The following TULP1 variants were observed in gnomAD, a reference collection of about 807,000 sequenced individuals.
TULP1 encodes the protein TUB like protein 1, also known as tubby-related protein 1.
Under a neutral mutation model 67.1 loss-of-function variants are expected in TULP1, and 50 were observed. That is an observed-to-expected ratio of 0.75 (90% confidence interval 0.59 to 0.94). The LOEUF is 0.94. TULP1 is among the 40% of genes least tolerant of loss of function. The probability of loss-of-function intolerance (pLI) is 0.00; values close to 1 mark genes in which losing one functional copy is unlikely to be tolerated. For synonymous variants in TULP1, 297 were observed against 294.0 expected, an observed-to-expected ratio of 1.01 and a Z score of -0.11; for missense variants, 746 against 734.1, an observed-to-expected ratio of 1.02 and a Z score of -0.19.
At position 35,503,941 on chromosome 6, in the gene TULP1, C is replaced by T; in HGVS notation, c.1113-93G>A. The T allele has an allele frequency of 3.1e-6, 3 of 954,244 alleles. No homozygotes were observed. The East Asian group carries it at 7.9e-5, about 25-fold the overall frequency. The allele number at this position is 954,244 out of a possible 1,614,324, so 59.1% of individuals were successfully genotyped here. On this transcript the variant is annotated intron_variant, in intron 11 of 14. Coordinates refer to ENST00000229771, the MANE Select transcript of TULP1 (RefSeq NM_003322.6). This position sits in a 1 kb window ranked among gnomAD's most constrained non-coding sequence, Gnocchi z 4.0. ...CACAGCCAAGCAGTTTAGAGAGCTTCCTACAAGGGTGGGGGTGAGTTAGGA... is the reference window on the plus strand; with the variant it reads ...CACAGCCAAGCAGTTTAGAGAGCTTTCTACAAGGGTGGGGGTGAGTTAGGA...
At position 35,509,890 on chromosome 6, in the gene TULP1, G is replaced by T. The variant is rs139588263; in HGVS notation, c.538C>A (p.Arg180Ser). 6.2e-7 allele frequency: 1 copy of T among 1,613,738 alleles called. No individual in the cohort carries two copies. The highest frequency in any genetic ancestry group is 1.3e-5 in the African/African-American group (1 of 74,862). The change falls in exon 6 of 15, where the codon CGT becomes AGT. Residue 180 changes from arginine (R) to serine (S), a missense_variant. This residue lies in a region of TULP1 where 359 missense variants were observed against 341.9 expected (regional missense o/e 1.05). Transcript: ENST00000229771. ...GCTGGAGCTTCCTTATTCCTAACAC[G>T]CAGAGGTTTCGGTGGGGGGTCAGGG... Reference protein sequence around the residue: ...GSPDPPPKPLRVRNKEAPAGE... With the variant: ...GSPDPPPKPLSVRNKEAPAGE...
chr6:35,501,279 A>G (rs1460635256), intron 13 of TULP1, among the ~76,000 whole-genome samples: 1 of 152,030 alleles, frequency 6.6e-6, no homozygotes, highest in Non-Finnish European at 1.5e-5. Flanking sequence ...AGCCGAGACG[A>G]GAGGATCACT....
Position 35,509,633 on chromosome 6 carries a change from C to A in TULP1, c.718+1G>T. The A allele has an allele frequency of 6.2e-7, 1 of 1,614,048 alleles. No individual in the cohort carries two copies. Among genetic ancestry groups the A allele is most frequent in the Non-Finnish European group, 8.5e-7 (1 of 1,179,930 alleles). ...CCACACCAGAAGCCCTTGCCATCCA[C>A]CTTTCTTCTTCAGGGCTTTCTTGTC... On this transcript the variant is annotated splice_donor_variant, in intron 7 of 14. Transcript: ENST00000229771. LOFTEE classifies it high-confidence loss of function.
In TULP1 at chr6:35,511,789, G is replaced by A; in HGVS notation, c.208C>T (p.Pro70Ser). The change falls in exon 4 of 15, where the codon CCG (proline) becomes TCG (serine). Residue 70 changes from proline (P) to serine (S), a missense_variant. Coordinates refer to ENST00000229771, the MANE Select transcript of TULP1 (RefSeq NM_003322.6). ...RKPGAGRTGR[P>S]REEPSPDPAQ... ...GGGTCTGGGGAAGGCTCCTCCCGCG[G>A]CCTCCCCGTCCGCCCAGCTGAGCCG... The A allele has an allele frequency of 1.3e-6, 2 of 1,564,832 alleles. No individual in the cohort carries two copies. The highest frequency in any genetic ancestry group is 8.7e-7 in the Non-Finnish European group (1 of 1,154,864).
At chr6:35,505,162 C>T (rs953614929) in intron 11 of TULP1, among the ~76,000 whole-genome samples, 1 of 152,098 alleles carries the variant, frequency 6.6e-6, no homozygotes, top group Non-Finnish European at 1.5e-5. Context: ...ATCTCGGACT[C>T]CTGACCTCAG....
chr6:35,504,471 C>G (rs1761042101), intron 11 of TULP1, among the ~76,000 whole-genome samples: 1 of 152,218 alleles, frequency 6.6e-6, no homozygotes, highest in African/African-American at 2.4e-5. Context: ...TGAGCCCCAA[C>G]TTCCCCATCT....
At chr6:35,501,411 C>T (rs1005204036) in intron 13 of TULP1, among the ~76,000 whole-genome samples, 1 of 143,564 alleles carries the variant, frequency 7.0e-6, no homozygotes, top group African/African-American at 2.6e-5. Context: ...GGAAGCAGCA[C>T]TGTTTGAAGC....
intron 14 of TULP1, among the ~76,000 whole-genome samples, chr6:35,499,708 T>C (rs1308752421): frequency 6.6e-6 from 1 of 152,162 alleles, no homozygotes; most frequent in Non-Finnish European, 1.5e-5. Flanking sequence ...AACACAATCT[T>C]ATCCAGAATG....
Position 35,511,689 on chromosome 6 carries a change from CG to C in TULP1, c.307del (p.Arg103GlyfsTer6). ...RDPEAKKRDP[R>X]ETFLVARAPD... The stretch of plus-strand genomic sequence containing the variant: ...GGCACGGGCTACCAGAAAGGTTTCC[CG>C]GGGGTCGCGCTTCTTGGCCTCGGGG... On this transcript the variant is annotated frameshift_variant, in exon 4 of 15. Coordinates refer to ENST00000229771, the MANE Select transcript of TULP1 (RefSeq NM_003322.6). LOFTEE classifies it high-confidence loss of function. 1 of 1,594,602 alleles carries C rather than the reference CG, an allele frequency of 6.3e-7. No individual in the cohort carries two copies. Among genetic ancestry groups the C allele is most frequent in the Non-Finnish European group, 8.5e-7 (1 of 1,170,364 alleles).
In TULP1 at chr6:35,512,176, C is replaced by T. The variant is rs1761221761; in HGVS notation, c.190+4G>A. The T allele has an allele frequency of 1.5e-6, 2 of 1,350,690 alleles. No homozygotes were observed. Among genetic ancestry groups the T allele is most frequent in the Non-Finnish European group, 9.5e-7 (1 of 1,051,466 alleles). 83.7% of individuals were successfully genotyped at this position (1,350,690 alleles called of 1,614,324 possible). On this transcript the variant is annotated splice_donor_region_variant and intron_variant, in intron 3 of 14. Transcript: ENST00000229771. ...GGTCCACCCGGGCTCTGCACCCCGC[C>T]CACCTCCGGGCTTCCGGGGCTTGGA...
intron 5 of TULP1, 124 bp from the exon 6 acceptor site, chr6:35,510,052 T>C: frequency 1.2e-6 from 1 of 849,856 alleles, no homozygotes; most frequent in Non-Finnish European, 1.9e-6. Flanking sequence ...GCCCACAGCC[T>C]GCCTTCTTTT....
At chr6:35,507,721 T>A (rs1476617682) in intron 8 of TULP1, among the ~76,000 whole-genome samples, 1 of 152,218 alleles carries the variant, frequency 6.6e-6, no homozygotes, top group Non-Finnish European at 1.5e-5. Context: ...AAGCATGGAC[T>A]GCCAGCCTGG....
At position 35,512,687 on chromosome 6, in the gene TULP1, C is replaced by T; in HGVS notation, c.51G>A (p.Gly17=). ...TLREVWASDS[G]HEEESLSPEA... is the part of the protein sequence containing the mutation. ...CCGGGCTCAGGCTTTCTTCTTCATG[C>T]CCACTGAGGGTAGCAAAGGGATCAG... is the stretch of plus-strand genomic sequence containing the variant. The change falls in exon 2 of 15, where the codon GGG becomes GGA. Residue 17 remains glycine (G), a synonymous_variant. Transcript: ENST00000229771. The T allele has an allele frequency of 6.2e-7, 1 of 1,614,024 alleles. No homozygotes were observed. The highest frequency in any genetic ancestry group is 1.1e-5 in the South Asian group (1 of 91,082).
At chr6:35,501,799 G>A (rs533859507) in intron 13 of TULP1, among the ~76,000 whole-genome samples, 1 of 152,188 alleles carries the variant, frequency 6.6e-6, no homozygotes, top group East Asian at 1.9e-4. Flanking sequence ...GTTACAGAGC[G>A]AGACTCCGTC....
chr6:35,512,658 G>GCCT lies in TULP1; in HGVS notation c.77_79dup (p.Glu26dup). The GCCT allele has an allele frequency of 6.2e-7, 1 of 1,613,930 alleles. No individual in the cohort carries two copies. The highest frequency in any genetic ancestry group is 8.5e-7 in the Non-Finnish European group (1 of 1,179,968). ...GCATACCTGTTTGGGGCGCCGCGGG[G>GCCT]CCTCCGGGCTCAGGCTTTCTTCTTC... On this transcript the variant is annotated inframe_insertion, in exon 2 of 15. Coordinates refer to ENST00000229771, the MANE Select transcript of TULP1 (RefSeq NM_003322.6).
intron 11 of TULP1, among the ~76,000 whole-genome samples, chr6:35,504,995 G>A (rs1761053571): frequency 6.6e-6 from 1 of 152,086 alleles, no homozygotes; most frequent in South Asian, 2.1e-4. Context: ...GAAGTGCAGT[G>A]GCATGATCCC....
chr6:35,512,608 T>G (rs1313851369), intron 2 of TULP1, 31 bp downstream of exon 2: 56 of 1,613,660 alleles, frequency 3.5e-5, no homozygotes, highest in East Asian at 6.7e-5. Flanking sequence ...GGGGACATCT[T>G]TCTGCTTCCT....
Position 35,512,872 on chromosome 6 carries a change from ATCGCAC to A in TULP1, c.-20_-15del, listed in dbSNP as rs760526976. The A allele has an allele frequency of 6.2e-7, 1 of 1,612,026 alleles. No homozygotes were observed. The highest frequency in any genetic ancestry group is 8.5e-7 in the Non-Finnish European group (1 of 1,179,946). ...CCGCAGAGGCATGGTGCCTTTGCCTATCGCACCCCTTTCTCTGCAGGTCTAGGAGCC... is the reference window on the plus strand; with the variant it reads ...CCGCAGAGGCATGGTGCCTTTGCCTACCCTTTCTCTGCAGGTCTAGGAGCC... On this transcript the variant is annotated 5_prime_UTR_variant, in exon 1 of 15. Coordinates refer to ENST00000229771, the MANE Select transcript of TULP1 (RefSeq NM_003322.6).
chr6:35,512,194 G>A lies in TULP1; in HGVS notation c.176C>T (p.Pro59Leu), dbSNP rs750115295. Residue 59 changes from proline to leucine, a missense_variant, in exon 3 of 15, where the codon CCC becomes CTC. Pro to Leu is a moderately conservative substitution (Grantham distance 98). Transcript: ENST00000229771. ...ACCCCGCCCACCTCCGGGCTTCCGG[G>A]GCTTGGATCCCGTGGGGCAGGGGGA... Reference protein sequence around the residue: ...PESPCPTGSKPRKPGAGRTGR... With the variant: ...PESPCPTGSKLRKPGAGRTGR... The A allele has an allele frequency of 3.0e-6, 4 of 1,347,076 alleles. No homozygotes were observed. In the Admixed American group the frequency reaches 1.4e-4, roughly 47 times the overall value. The allele number at this position is 1,347,076 out of a possible 1,614,324, so 83.4% of individuals were successfully genotyped here.
Sources: gnomAD v4.1 joint callset for allele counts (sites outside exome capture counted in the v4.1 genomes callset) on GRCh38, gnomAD v4.1.1 for gene constraint, gnomAD v4.1.1 regional missense constraint, Gnocchi (gnomAD v3.1) non-coding constraint, MANE v1.5 for transcripts, NCBI Gene and HGNC (gene_info 2026-07-23, HGNC 2026-07-21) for gene names.